KCNU1: variants seen among roughly 807,000 people sequenced by gnomAD.
KCNU1 encodes potassium calcium-activated channel subfamily U member 1, also known as potassium channel subfamily U member 1.
KCNU1 carries 93 observed loss-of-function variants against 126.8 expected under a neutral mutation model. The observed-to-expected ratio is 0.73, with a 90% CI of 0.62 to 0.87. The LOEUF is 0.87. Ranked by LOEUF, KCNU1 falls within the 40% of genes least tolerant of loss-of-function variation. KCNU1 has a pLI of 0.00. For synonymous variants in KCNU1, 523 were observed against 494.2 expected, an observed-to-expected ratio of 1.06 and a Z score of -0.77; for missense variants, 1,330 against 1,367.1, an observed-to-expected ratio of 0.97 and a Z score of 0.43.
intron 16 of KCNU1, among the ~76,000 whole-genome samples, chr8:36,842,367 A>G (rs1804988841): frequency 6.6e-6 from 1 of 152,224 alleles, no homozygotes; most frequent in Admixed American, 6.5e-5. Context: ...TCTGGGTAGA[A>G]GATGTCAGTG....
At position 36,840,574 on chromosome 8, in the gene KCNU1, CG is replaced by C. The variant is rs1804912286; in HGVS notation, c.1631+1del. On this transcript the variant is annotated frameshift_variant and splice_region_variant, in exon 15 of 27. Transcript: ENST00000399881. LOFTEE classifies it high-confidence loss of function. ...FAGMSFPEVA[R>X]LCFLKMHLLL... ...TGGAATGAGCTTTCCTGAAGTTGCC[CG>C]GTAAGTGAAGTGAAATACTTCCCTC... The C allele has an allele frequency of 1.3e-6, 2 of 1,569,840 alleles. No individual in the cohort carries two copies. Among genetic ancestry groups the C allele is most frequent in the East Asian group, 4.5e-5 (2 of 44,522 alleles).
At chr8:36,887,410 T>C (rs1276328824) in intron 19 of KCNU1, among the ~76,000 whole-genome samples, 1 of 151,920 alleles carries the variant, frequency 6.6e-6, no homozygotes, top group Admixed American at 6.6e-5. Flanking sequence ...CTGAAAACGT[T>C]GAGCATTTTT....
chr8:36,843,011 G>A (rs1405631412), intron 16 of KCNU1, among the ~76,000 whole-genome samples: 1 of 152,084 alleles, frequency 6.6e-6, no homozygotes, highest in Non-Finnish European at 1.5e-5. Flanking sequence ...CCCTACTTTT[G>A]ACTGCAGAAC....
intron 18 of KCNU1, among the ~76,000 whole-genome samples, chr8:36,855,520 G>A (rs1423380232): frequency 6.6e-6 from 1 of 152,148 alleles, no homozygotes; most frequent in East Asian, 1.9e-4. Flanking sequence ...AGAATATGGA[G>A]TATTATGTTT....
At position 36,864,529 on chromosome 8, in the gene KCNU1, C is replaced by T. The variant is rs557715722; in HGVS notation, c.2009+8C>T. The stretch of plus-strand genomic sequence containing the variant: ...ATCAAACTTCACCACCAGGTAAAAG[C>T]TGCAGAGAACCCTGGTCTCCTATAG... On this transcript the variant is annotated splice_region_variant and intron_variant, in intron 19 of 26. Coordinates refer to ENST00000399881, the MANE Select transcript of KCNU1 (RefSeq NM_001031836.3). 2.7e-4 allele frequency: 409 copies of T among 1,509,838 alleles called. 2 individuals carry two copies. In the South Asian group the frequency reaches 4.4e-3, roughly 16 times the overall value. 93.5% of individuals were successfully genotyped at this position (1,509,838 alleles called of 1,614,324 possible).
In KCNU1 at chr8:36,836,964, G is replaced by C; in HGVS notation, c.1518+19G>C. 2 of 1,612,766 alleles carry C rather than the reference G, an allele frequency of 1.2e-6. No individual in the cohort carries two copies. Among genetic ancestry groups the C allele is most frequent in the Non-Finnish European group, 8.5e-7 (1 of 1,179,014 alleles). On this transcript the variant is annotated intron_variant, in intron 14 of 26. Coordinates refer to ENST00000399881, the MANE Select transcript of KCNU1 (RefSeq NM_001031836.3). ...CAAAAAGGTAACCTTGTAAATTACTGTTGATTCTTGGCTCTGTTCCTATGT... is the reference window on the plus strand; with the variant it reads ...CAAAAAGGTAACCTTGTAAATTACTCTTGATTCTTGGCTCTGTTCCTATGT...
At chr8:36,852,882 G>T (rs1289471495) in intron 18 of KCNU1, among the ~76,000 whole-genome samples, 1 of 151,840 alleles carries the variant, frequency 6.6e-6, no homozygotes, top group East Asian at 1.9e-4. Context: ...TTTCTTAATG[G>T]ATTTTTTTCT....
intron 1 of KCNU1, 53 bp downstream of exon 1, chr8:36,784,658 G>C (rs1415507029): frequency 1.2e-5 from 16 of 1,347,600 alleles, no homozygotes; most frequent in African/African-American, 2.9e-5. Context: ...TGAGTTTGGG[G>C]TAGTTTTGTG....
intron 19 of KCNU1, among the ~76,000 whole-genome samples, chr8:36,867,297 T>C (rs756704109): frequency 3.9e-5 from 6 of 152,056 alleles, no homozygotes; most frequent in Non-Finnish European, 7.4e-5. Context: ...AGTGGGAATC[T>C]CAACTTCTGT....
intron 19 of KCNU1, among the ~76,000 whole-genome samples, chr8:36,872,548 C>A (rs1182395039): frequency 6.6e-6 from 1 of 151,984 alleles, no homozygotes; most frequent in Admixed American, 6.6e-5. Flanking sequence ...GCTCAGATCC[C>A]CCATCCAGTA....
intron 19 of KCNU1, among the ~76,000 whole-genome samples, chr8:36,872,589 G>A (rs1447260072): frequency 2.0e-5 from 3 of 152,142 alleles, no homozygotes; most frequent in African/African-American, 7.2e-5. Flanking sequence ...TAGAAATGAT[G>A]AGAAGATTAA....
chr8:36,819,945 G>GGA (rs1804060849), intron 10 of KCNU1, among the ~76,000 whole-genome samples: 1 of 152,130 alleles, frequency 6.6e-6, no homozygotes, highest in South Asian at 2.1e-4. Context: ...TGCTACTTCA[G>GGA]GCCTAGCGTT....
intron 22 of KCNU1, among the ~76,000 whole-genome samples, chr8:36,915,805 T>C (rs910371213): frequency 3.3e-5 from 5 of 152,200 alleles, no homozygotes; most frequent in African/African-American, 7.2e-5. Flanking sequence ...CTCTAAAGTT[T>C]GGGGTTTTCT....
chr8:36,808,757 C>T lies in KCNU1; in HGVS notation c.696C>T (p.Leu232=), dbSNP rs377129867. The part of the protein sequence containing the change: ...VKFSKLLSII[L]STWFTAAGFI... ...TTTCCAAACTGCTGTCAATAATTCTCAGTACCTGGTTCACAGCTGCGGGAT... is the reference window on the plus strand; with the variant it reads ...TTTCCAAACTGCTGTCAATAATTCTTAGTACCTGGTTCACAGCTGCGGGAT... Residue 232 remains leucine (L), a synonymous_variant, in exon 7 of 27, where the codon CTC becomes CTT. Transcript: ENST00000399881. 6.0e-5 allele frequency: 97 copies of T among 1,611,700 alleles called. No individual in the cohort carries two copies. The African/African-American group carries it at 1.1e-3, about 18-fold the overall frequency.
chr8:36,862,567 A>C (rs1805770694), intron 18 of KCNU1, among the ~76,000 whole-genome samples: 2 of 152,112 alleles, frequency 1.3e-5, no homozygotes, highest in South Asian at 4.1e-4. Context: ...TCCACCCCAC[A>C]CACATGCACC....
intron 19 of KCNU1, chr8:36,888,578 A>T (rs1806812830): frequency 1.9e-6 from 1 of 534,060 alleles, no homozygotes. Context: ...AGTGGAGCAG[A>T]AGATGCTCAG....
intron 2 of KCNU1, among the ~76,000 whole-genome samples, chr8:36,793,534 A>T (rs1247472230): frequency 1.3e-5 from 2 of 152,100 alleles, no homozygotes; most frequent in Admixed American, 6.6e-5. Context: ...TTTGAGGCAG[A>T]TGTCAAGAAA....
In KCNU1 at chr8:36,886,980, G is replaced by GT. The variant is rs566168955; in HGVS notation, c.2010-18720dup. 1.8e-4 allele frequency among the ~76,000 whole-genome samples: 28 copies of GT among 151,688 alleles called. No individual in the cohort carries two copies. In the South Asian group the frequency reaches 2.7e-3, roughly 15 times the overall value. On this transcript the variant is annotated intron_variant, in intron 19 of 26. Coordinates refer to ENST00000399881, the MANE Select transcript of KCNU1 (RefSeq NM_001031836.3). Reference sequence around the variant, plus strand: ...AAGTTGTGACAAAATACATTATTTTGTTTTTTTTATGGCTGTGTAGTATTC... The same window carrying GT: ...AAGTTGTGACAAAATACATTATTTTGTTTTTTTTTATGGCTGTGTAGTATTC...
At chr8:36,824,943 C>T (rs1212886720) in intron 10 of KCNU1, among the ~76,000 whole-genome samples, 1 of 152,066 alleles carries the variant, frequency 6.6e-6, no homozygotes, top group Admixed American at 6.5e-5. Flanking sequence ...TGGTGCTGTG[C>T]AAATTTTTGT....
Sources: allele counts gnomAD v4.1 joint callset (sites outside exome capture counted in the v4.1 genomes callset), GRCh38; gene constraint gnomAD v4.1.1; transcripts MANE v1.5; gene names NCBI Gene and HGNC (gene_info 2026-07-23, HGNC 2026-07-21).